The following BAIAP2L1 variants were observed in gnomAD, a reference collection of about 807,000 sequenced individuals.
BAIAP2L1 encodes BAR/IMD domain-containing adapter protein 2-like 1.
BAIAP2L1 carries 35 observed loss-of-function variants against 66.3 expected under a neutral mutation model. The ratio of observed to expected loss-of-function variants is 0.53; its 90% confidence interval spans 0.40 to 0.70. The LOEUF is 0.70. BAIAP2L1 is among the 30% of genes least tolerant of loss of function. BAIAP2L1 has a pLI of 0.00. For synonymous variants in BAIAP2L1, 269 were observed against 248.7 expected (o/e 1.08, Z -0.77); for missense variants, 622 against 656.9 (o/e 0.95, Z 0.58).
rs191345563 is a variant in BAIAP2L1 at position 98,317,452 on chromosome 7, G to A, written c.349-96C>T. 7.9e-4 allele frequency: 1,177 copies of A among 1,487,434 alleles called. 2 individuals are homozygous for A. The highest frequency in any genetic ancestry group is 9.8e-4 in the African/African-American group (71 of 72,304). 92.1% of individuals were successfully genotyped at this position (1,487,434 alleles called of 1,614,324 possible). ...ACACTTCCACTGTGTGTGGCTCAACGGGGCCCTGACACCCTCACTTCACAC... is the reference window on the plus strand; with the variant it reads ...ACACTTCCACTGTGTGTGGCTCAACAGGGCCCTGACACCCTCACTTCACAC... On this transcript the variant is annotated intron_variant, in intron 5 of 13. Coordinates refer to ENST00000005260, the MANE Select transcript of BAIAP2L1 (RefSeq NM_018842.5).
intron 1 of BAIAP2L1, among the ~76,000 whole-genome samples, chr7:98,399,727 A>G (rs1229136499): frequency 6.6e-6 from 1 of 152,210 alleles, no homozygotes; most frequent in Non-Finnish European, 1.5e-5. Flanking sequence ...TAAGTATGTA[A>G]ACTAAACAGG....
In BAIAP2L1 at chr7:98,317,615, C is replaced by T. The variant is rs72494442; in HGVS notation, c.349-259G>A. 2.3e-3 allele frequency among the ~76,000 whole-genome samples: 349 copies of T among 151,630 alleles called. 13 individuals carry two copies. In the East Asian group the frequency reaches 0.063, roughly 27 times the overall value. On this transcript the variant is annotated intron_variant, in intron 5 of 13. Transcript: ENST00000005260. ...TCCCTCAGTTCACACCGTCTGCATG[C>T]TGGCTGGGACCCTCACCCTGCAGTT...
intron 1 of BAIAP2L1, among the ~76,000 whole-genome samples, chr7:98,399,019 CTACT>C (rs1376238336): frequency 6.6e-6 from 1 of 152,206 alleles, no homozygotes; most frequent in Admixed American, 6.6e-5. Flanking sequence ...AGAGCAGCCA[CTACT>C]TACTTTCCAG....
intron 1 of BAIAP2L1, among the ~76,000 whole-genome samples, chr7:98,376,362 C>T (rs528112952): frequency 4.7e-4 from 71 of 151,846 alleles, no homozygotes; most frequent in South Asian, 6.3e-4. Flanking sequence ...AAAAAATTAG[C>T]CAGGTGGGGT....
chr7:98,313,717 C>T (rs1274543696), intron 7 of BAIAP2L1, among the ~76,000 whole-genome samples: 1 of 151,992 alleles, frequency 6.6e-6, no homozygotes, highest in African/African-American at 2.4e-5. Context: ...CTCCTGGGCT[C>T]AAACAATCCT....
rs904592062 is a variant in BAIAP2L1 at position 98,363,968 on chromosome 7, C to T, written c.52-1536G>A. ...AGCCCTGGTCTTATGCCCGAGAGCA[C>T]TTTCAACTATGCTCCTATTTTTGTA... On this transcript the variant is annotated intron_variant, in intron 1 of 13. Transcript: ENST00000005260. Among the ~76,000 whole-genome samples, 12 of 152,196 alleles carry T rather than the reference C, an allele frequency of 7.9e-5. 1 individual carries two copies. The East Asian group carries it at 2.3e-3, about 29-fold the overall frequency.
In BAIAP2L1 at chr7:98,306,439, C is replaced by T; in HGVS notation, c.1241G>A (p.Ser414Asn). ...ETEAVTVPTP[S>N]PTPVRSISTV... Reference sequence around the variant, plus strand: ...AGAGCTCAGCCACGTTCAGGGCTACCTTGGCGTGGGCACGGTCACTGCTTC... The same window carrying T: ...AGAGCTCAGCCACGTTCAGGGCTACTTTGGCGTGGGCACGGTCACTGCTTC... The change falls in exon 11 of 14, where the codon AGC becomes AAC. Residue 414 changes from serine to asparagine, a missense_variant and splice_region_variant. Coordinates refer to ENST00000005260, the MANE Select transcript of BAIAP2L1 (RefSeq NM_018842.5). 1 of 1,614,184 alleles carries T rather than the reference C, an allele frequency of 6.2e-7. No homozygotes were observed. The highest frequency in any genetic ancestry group is 8.5e-7 in the Non-Finnish European group (1 of 1,180,042).
intron 12 of BAIAP2L1, among the ~76,000 whole-genome samples, chr7:98,299,212 T>C (rs1800317357): frequency 6.6e-6 from 1 of 151,988 alleles, no homozygotes; most frequent in Admixed American, 6.5e-5. Context: ...AGAGACAGGG[T>C]TTCACCATGT....
chr7:98,388,743 G>A (rs935834238), intron 1 of BAIAP2L1, among the ~76,000 whole-genome samples: 5 of 152,122 alleles, frequency 3.3e-5, no homozygotes, highest in African/African-American at 9.7e-5. Flanking sequence ...GGAGACCGAT[G>A]CAGGCAGACG....
chr7:98,325,652 CG>C (rs1256280572), intron 3 of BAIAP2L1, among the ~76,000 whole-genome samples: 1 of 151,426 alleles, frequency 6.6e-6, no homozygotes, highest in African/African-American at 2.4e-5. Flanking sequence ...CACTCCAGCC[CG>C]GGTGACAGAG....
chr7:98,307,677 G>C lies in BAIAP2L1; in HGVS notation c.1163+12C>G. On this transcript the variant is annotated intron_variant, in intron 10 of 13. Transcript: ENST00000005260. ...TCTGGTGCCCTGCGGGGACCATCAC[G>C]CCCAGACTTACGCCTTGGACACGTC... The C allele has an allele frequency of 6.2e-7, 1 of 1,613,308 alleles. No individual in the cohort carries two copies. The highest frequency in any genetic ancestry group is 8.5e-7 in the Non-Finnish European group (1 of 1,180,014).
chr7:98,356,995 A>C (rs557631449), intron 2 of BAIAP2L1, among the ~76,000 whole-genome samples: 1 of 7,802 alleles, frequency 1.3e-4, no homozygotes, highest in East Asian at 6.0e-3. Flanking sequence ...CCCCTGTCTC[A>C]AAAAAAAAAA....
chr7:98,364,050 T>A (rs3779195), intron 1 of BAIAP2L1, among the ~76,000 whole-genome samples: 24,496 of 151,882 alleles, frequency 0.16, 2,188 homozygotes, highest in South Asian at 0.3. Flanking sequence ...GATTTCTTGA[T>A]TTTGGGGAGT....
At chr7:98,336,352 G>A (rs1043961183) in intron 3 of BAIAP2L1, among the ~76,000 whole-genome samples, 10 of 152,124 alleles carry the variant, frequency 6.6e-5, no homozygotes, top group Non-Finnish European at 1.2e-4. Flanking sequence ...GGTGACTCAC[G>A]CCTGTAATCC....
chr7:98,373,929 AT>A (rs1190323673), intron 1 of BAIAP2L1, among the ~76,000 whole-genome samples: 1 of 152,144 alleles, frequency 6.6e-6, no homozygotes, highest in Non-Finnish European at 1.5e-5. Flanking sequence ...TGAAGGTGTT[AT>A]GATCTTCTGC....
intron 5 of BAIAP2L1, among the ~76,000 whole-genome samples, chr7:98,318,482 A>G (rs1213973251): frequency 6.6e-6 from 1 of 151,806 alleles, no homozygotes; most frequent in Non-Finnish European, 1.5e-5. Context: ...AGGTTTCACC[A>G]TGTCAGCCAG....
At chr7:98,330,560 G>C (rs1322043975) in intron 3 of BAIAP2L1, among the ~76,000 whole-genome samples, 1 of 152,148 alleles carries the variant, frequency 6.6e-6, no homozygotes, top group African/African-American at 2.4e-5. Flanking sequence ...GGGAGGCTGA[G>C]GCAAAAGAAT....
At chr7:98,378,280 G>C (rs1450419307) in intron 1 of BAIAP2L1, among the ~76,000 whole-genome samples, 1 of 152,150 alleles carries the variant, frequency 6.6e-6, no homozygotes, top group Admixed American at 6.6e-5. Flanking sequence ...GTAGTTTCCT[G>C]GTGTGTTTTA....
intron 3 of BAIAP2L1, among the ~76,000 whole-genome samples, chr7:98,334,399 A>G (rs751779139): frequency 4.2e-4 from 64 of 151,984 alleles, no homozygotes; most frequent in Middle Eastern, 6.3e-3. Context: ...TTACCTTTGA[A>G]CTCATACTTC....
Sources: gnomAD v4.1 joint callset for allele counts (sites outside exome capture counted in the v4.1 genomes callset) on GRCh38, gnomAD v4.1.1 for gene constraint, MANE v1.5 for transcripts, NCBI Gene and HGNC (gene_info 2026-07-23, HGNC 2026-07-21) for gene names.